Variants in SH3GL2 observed in about 807,000 individuals in gnomAD.
SH3GL2 encodes endophilin-A1.
A neutral mutation model predicts 46.0 loss-of-function variants in SH3GL2; 24 were observed. The observed-to-expected ratio is 0.52, with a 90% CI of 0.38 to 0.73. The LOEUF is 0.73. SH3GL2 is among the 30% of genes least tolerant of loss of function. The pLI, the probability that SH3GL2 is intolerant of heterozygous loss-of-function variation, is 0.00. For synonymous variants in SH3GL2, 196 were observed against 147.1 expected (o/e 1.33, Z -2.40); for missense variants, 413 against 424.2 (o/e 0.97, Z 0.23).
At chr9:17,696,185 T>C (rs966895698) in intron 1 of SH3GL2, among the ~76,000 whole-genome samples, 3 of 152,134 alleles carry the variant, frequency 2.0e-5, no homozygotes, top group African/African-American at 7.2e-5. Context: ...AAGAGGACTT[T>C]TTTTTTCCTT....
intron 1 of SH3GL2, among the ~76,000 whole-genome samples, chr9:17,718,791 G>T (rs1046476156): frequency 2.0e-5 from 3 of 152,132 alleles, no homozygotes; most frequent in Non-Finnish European, 2.9e-5. Flanking sequence ...GTTCAAGAAA[G>T]TGGGGGCTGC....
chr9:17,586,700 C>T (rs1196564371), intron 1 of SH3GL2, among the ~76,000 whole-genome samples: 7 of 152,070 alleles, frequency 4.6e-5, no homozygotes, highest in African/African-American at 9.7e-5. Flanking sequence ...CTTATAAAAC[C>T]GTCAGCTCTC....
intron 1 of SH3GL2, among the ~76,000 whole-genome samples, chr9:17,739,935 A>C (rs983517850): frequency 3.1e-4 from 47 of 152,238 alleles, no homozygotes; most frequent in African/African-American, 1.1e-3. Context: ...ATTTTCCATA[A>C]AGTGTTTGGC....
At chr9:17,732,355 T>C (rs1822209072) in intron 1 of SH3GL2, among the ~76,000 whole-genome samples, 1 of 152,046 alleles carries the variant, frequency 6.6e-6, no homozygotes, top group Non-Finnish European at 1.5e-5. Context: ...AGAGAATTAA[T>C]TAGAAATTGG....
chr9:17,742,500 A>G (rs1822555419), intron 1 of SH3GL2, among the ~76,000 whole-genome samples: 1 of 152,084 alleles, frequency 6.6e-6, no homozygotes, highest in Non-Finnish European at 1.5e-5. Flanking sequence ...TGTATTATTT[A>G]TTTTCTTTTT....
Position 17,579,226 on chromosome 9 carries a change from G to T in SH3GL2, c.-17G>T. 1 of 1,542,848 alleles carries T rather than the reference G, an allele frequency of 6.5e-7. No individual in the cohort carries two copies. Among genetic ancestry groups the T allele is most frequent in the Non-Finnish European group, 8.7e-7 (1 of 1,146,330 alleles). ...CCTCCCTCCCGCACAGCAGCCGCCAGCGCGGCCTCCTGCACCATGTCGGTG... is the reference window on the plus strand; with the variant it reads ...CCTCCCTCCCGCACAGCAGCCGCCATCGCGGCCTCCTGCACCATGTCGGTG... On this transcript the variant is annotated 5_prime_UTR_variant, in exon 1 of 9. Coordinates refer to ENST00000380607, the MANE Select transcript of SH3GL2 (RefSeq NM_003026.5).
intron 1 of SH3GL2, among the ~76,000 whole-genome samples, chr9:17,634,784 C>T (rs1305441580): frequency 6.6e-6 from 1 of 152,168 alleles, no homozygotes; most frequent in Non-Finnish European, 1.5e-5. Flanking sequence ...TTTGAGCAGA[C>T]ACTCTTCTGG....
At chr9:17,592,426 A>T (rs1818502117) in intron 1 of SH3GL2, among the ~76,000 whole-genome samples, 1 of 152,180 alleles carries the variant, frequency 6.6e-6, no homozygotes, top group African/African-American at 2.4e-5. Context: ...CATCACACTG[A>T]CTTAATTTAA....
chr9:17,609,374 G>C (rs1484100425), intron 1 of SH3GL2, among the ~76,000 whole-genome samples: 2 of 151,758 alleles, frequency 1.3e-5, no homozygotes, highest in Non-Finnish European at 2.9e-5. Context: ...AGCACTTTTT[G>C]GGTCATGGTC....
chr9:17,739,452 T>G (rs183133150), intron 1 of SH3GL2, among the ~76,000 whole-genome samples: 6 of 152,282 alleles, frequency 3.9e-5, no homozygotes, highest in Admixed American at 3.9e-4. Context: ...TTCTGTAACT[T>G]CAATGGCTTA....
intron 1 of SH3GL2, among the ~76,000 whole-genome samples, chr9:17,713,489 C>T (rs1487470720): frequency 6.6e-6 from 1 of 150,942 alleles, no homozygotes; most frequent in East Asian, 2.0e-4. Flanking sequence ...TAAGGTCATT[C>T]GTTTTGAGAC....
intron 1 of SH3GL2, among the ~76,000 whole-genome samples, chr9:17,627,286 G>T (rs1819304958): frequency 6.6e-6 from 1 of 152,118 alleles, no homozygotes; most frequent in South Asian, 2.1e-4. Context: ...AGTGCCCAGA[G>T]CCCACCTACA....
intron 1 of SH3GL2, among the ~76,000 whole-genome samples, chr9:17,640,263 T>C (rs897073428): frequency 2.6e-5 from 4 of 152,176 alleles, no homozygotes; most frequent in Non-Finnish European, 1.5e-5. Flanking sequence ...CATCATTAAA[T>C]ATAATAATAA....
intron 1 of SH3GL2, among the ~76,000 whole-genome samples, chr9:17,691,547 A>C (rs1821078980): frequency 6.6e-6 from 1 of 152,094 alleles, no homozygotes; most frequent in Admixed American, 6.6e-5. Context: ...TCTTCAGTTG[A>C]TTTGCGTATG....
intron 1 of SH3GL2, among the ~76,000 whole-genome samples, chr9:17,712,381 T>G (rs1821649311): frequency 6.6e-6 from 1 of 151,844 alleles, no homozygotes. Context: ...AAAAAAACTT[T>G]GCCGAACCCA....
At chr9:17,754,068 T>G (rs1157184337) in intron 2 of SH3GL2, among the ~76,000 whole-genome samples, 1 of 152,200 alleles carries the variant, frequency 6.6e-6, no homozygotes, top group Non-Finnish European at 1.5e-5. Context: ...ACCATGCTGT[T>G]TTGGTTATTG....
chr9:17,613,395 A>T (rs890515580), intron 1 of SH3GL2, among the ~76,000 whole-genome samples: 1 of 152,216 alleles, frequency 6.6e-6, no homozygotes. Context: ...TGTTGCTGAA[A>T]ATTAAAATGA....
At chr9:17,643,459 A>G (rs1483482675) in intron 1 of SH3GL2, among the ~76,000 whole-genome samples, 1 of 152,178 alleles carries the variant, frequency 6.6e-6, no homozygotes, top group East Asian at 1.9e-4. Flanking sequence ...AGGAGTTTTC[A>G]AAGGGAATGC....
At chr9:17,683,591 C>G (rs1279224412) in intron 1 of SH3GL2, among the ~76,000 whole-genome samples, 1 of 152,054 alleles carries the variant, frequency 6.6e-6, no homozygotes, top group East Asian at 1.9e-4. Context: ...CGTCCTACCC[C>G]TATACCCAGG....
Sources: gnomAD v4.1 joint callset for allele counts (sites outside exome capture counted in the v4.1 genomes callset) on GRCh38, gnomAD v4.1.1 for gene constraint, MANE v1.5 for transcripts, NCBI Gene and HGNC (gene_info 2026-07-23, HGNC 2026-07-21) for gene names.